CEMIP2: variants seen among roughly 807,000 people sequenced by gnomAD.
CEMIP2 encodes the protein cell migration inducing hyaluronidase 2.
CEMIP2 carries 79 observed loss-of-function variants against 146.9 expected under a neutral mutation model. That is an observed-to-expected ratio of 0.54 (90% CI 0.45 to 0.65). The LOEUF (loss-of-function observed/expected upper bound fraction) is 0.65. CEMIP2 is among the 30% of genes least tolerant of loss of function. The pLI is 0.00. For missense variants in CEMIP2, 1,596 were observed against 1,696.2 expected, an observed-to-expected ratio of 0.94 and a Z score of 1.04; for synonymous variants, 601 against 606.3, an observed-to-expected ratio of 0.99 and a Z score of 0.13.
chr9:71,722,176 A>T (rs945566864), intron 12 of CEMIP2, among the ~76,000 whole-genome samples: 19 of 152,190 alleles, frequency 1.2e-4, no homozygotes, highest in African/African-American at 4.6e-4. Flanking sequence ...CTCTTTCTGC[A>T]ACTCTCTCTA....
chr9:71,692,266 T>C (rs185844970), intron 21 of CEMIP2, among the ~76,000 whole-genome samples: 90 of 151,968 alleles, frequency 5.9e-4, no homozygotes, highest in African/African-American at 2.0e-3. Context: ...TCAAACAATG[T>C]TTTCAGACTC....
intron 17 of CEMIP2, among the ~76,000 whole-genome samples, chr9:71,706,216 C>G (rs1358872245): frequency 7.5e-6 from 1 of 132,756 alleles, no homozygotes; most frequent in Non-Finnish European, 1.6e-5. Flanking sequence ...GTAACAAAAA[C>G]AAAACTCCAT....
chr9:71,730,374 A>T (rs1364408609), intron 8 of CEMIP2, 121 bp from the exon 9 acceptor site: 2 of 973,268 alleles, frequency 2.1e-6, no homozygotes, highest in Non-Finnish European at 3.0e-6. Context: ...ACCTTAGCAG[A>T]ATGGGCAAAG....
At chr9:71,728,302 C>CATATATAT (rs1491360011) in intron 10 of CEMIP2, among the ~76,000 whole-genome samples, 1 of 11,578 alleles carries the variant, frequency 8.6e-5, no homozygotes, top group South Asian at 3.5e-3. Context: ...TATATATATA[C>CATATATAT]ATATATATAT....
At chr9:71,701,074 T>C (rs1589131464) in intron 18 of CEMIP2, among the ~76,000 whole-genome samples, 1 of 152,196 alleles carries the variant, frequency 6.6e-6, no homozygotes, top group East Asian at 1.9e-4. Flanking sequence ...AGCAAAAATA[T>C]GAGCCTTTAC....
At position 71,745,269 on chromosome 9, in the gene CEMIP2, C is replaced by A; in HGVS notation, c.783G>T (p.Lys261Asn). 2 of 1,614,060 alleles carry A rather than the reference C, an allele frequency of 1.2e-6. No individual in the cohort carries two copies. Among genetic ancestry groups the A allele is most frequent in the Admixed American group, 3.3e-5 (2 of 59,998 alleles). Residue 261 changes from lysine to asparagine, a missense_variant, in exon 4 of 24, where the codon AAG (lysine) becomes AAT (asparagine). By Grantham distance (94) the Lys-to-Asn change is moderately conservative. Transcript: ENST00000377044. Reference protein sequence around the residue: ...GLPFGSYTFEKDFSRGLNVRV... With the variant: ...GLPFGSYTFENDFSRGLNVRV... ...TCACATTGAGGCCCCGGGAAAAGTC[C>A]TTTTCAAAGGTATAGGACCCAAAGG...
At chr9:71,769,452 C>T (rs191549343), upstream of CEMIP2, among the ~76,000 whole-genome samples, 356 of 152,374 alleles carry the variant, frequency 2.3e-3, 2 homozygotes, top group Middle Eastern at 0.01. Context: ...TCTTCTGGTC[C>T]CTTGGAGCAA....
chr9:71,755,204 T>TA (rs1554689104), intron 1 of CEMIP2, among the ~76,000 whole-genome samples: 7 of 150,932 alleles, frequency 4.6e-5, no homozygotes, highest in East Asian at 3.9e-4. Flanking sequence ...TTTTTTTTTT[T>TA]ACCTATAAAA....
intron 1 of CEMIP2, among the ~76,000 whole-genome samples, chr9:71,757,510 G>A (rs1325251385): frequency 6.6e-6 from 1 of 152,154 alleles, no homozygotes; most frequent in African/African-American, 2.4e-5. Context: ...ACATTCACTA[G>A]TATGCCCAAA....
Position 71,734,870 on chromosome 9 carries a change from G to A in CEMIP2, c.1329C>T (p.Tyr443=), listed in dbSNP as rs745518018. Residue 443 remains tyrosine, a synonymous_variant, in exon 6 of 24, where the codon TAC becomes TAT. Coordinates refer to ENST00000377044, the MANE Select transcript of CEMIP2 (RefSeq NM_013390.3). ...IVVASTDYSM[Y]QAEEFTLLPC... ...GAAGAAGAGTGAACTCCTCTGCTTG[G>A]TACATGGAATAGTCTGTGCTTGCGA... 6.2e-7 allele frequency: 1 copy of A among 1,613,958 alleles called. No homozygotes were observed. The highest frequency in any genetic ancestry group is 8.5e-7 in the Non-Finnish European group (1 of 1,179,984).
At chr9:71,719,867 C>T (rs556583862) in intron 12 of CEMIP2, among the ~76,000 whole-genome samples, 44 of 56,970 alleles carry the variant, frequency 7.7e-4, no homozygotes, top group African/African-American at 2.3e-3. Flanking sequence ...AAAAAGAGTA[C>T]TATAAGGCAG....
intron 23 of CEMIP2, 71 bp from the exon 24 acceptor site, chr9:71,685,464 AGGAGGTGAGTC>A (rs1822032265): frequency 1.4e-6 from 2 of 1,401,678 alleles, no homozygotes. Context: ...AAGAGAATAT[AGGAGGTGAGTC>A]GGAGGTGAGC....
At chr9:71,728,289 A>ATATATATATG (rs1823496192) in intron 10 of CEMIP2, among the ~76,000 whole-genome samples, 2 of 31,142 alleles carry the variant, frequency 6.4e-5, no homozygotes, top group Admixed American at 4.2e-4. Context: ...ATGTATATAT[A>ATATATATATG]TATATATATA....
intron 1 of CEMIP2, among the ~76,000 whole-genome samples, chr9:71,762,525 A>C (rs1316972500): frequency 6.9e-6 from 1 of 145,366 alleles, no homozygotes; most frequent in Admixed American, 6.9e-5. Flanking sequence ...AAAAAAAAAA[A>C]ACTGGCTAGC....
At position 71,745,439 on chromosome 9, in the gene CEMIP2, A is replaced by T; in HGVS notation, c.613T>A (p.Tyr205Asn). 1 of 1,614,098 alleles carries T rather than the reference A, an allele frequency of 6.2e-7. No homozygotes were observed. Among genetic ancestry groups the T allele is most frequent in the African/African-American group, 1.3e-5 (1 of 75,030 alleles). Reference sequence around the variant, plus strand: ...CTTTCACCTTCATCTGACTTGCCATACAAGGTAATTGTCGCTTTGGATTTA... The same window carrying T: ...CTTTCACCTTCATCTGACTTGCCATTCAAGGTAATTGTCGCTTTGGATTTA... ...RYKSKATITL[Y>N]GKSDEGESMP... The change falls in exon 4 of 24, where the codon TAT (tyrosine) becomes AAT (asparagine). Residue 205 changes from tyrosine (Y) to asparagine (N), a missense_variant. Physicochemically the swap from Tyr to Asn is moderately radical, Grantham distance 143. Transcript: ENST00000377044.
intron 22 of CEMIP2, chr9:71,686,216 T>G (rs769684974): frequency 2.7e-5 from 5 of 186,652 alleles, no homozygotes; most frequent in Non-Finnish European, 4.5e-5. Flanking sequence ...CCACAACACT[T>G]GCATTACAGC....
At chr9:71,720,854 A>G (rs550061201) in intron 12 of CEMIP2, among the ~76,000 whole-genome samples, 12 of 152,274 alleles carry the variant, frequency 7.9e-5, no homozygotes, top group African/African-American at 2.6e-4. Context: ...TTCCTTATCA[A>G]TATGTATGTA....
At chr9:71,756,486 T>TCA (rs1364442232) in intron 1 of CEMIP2, among the ~76,000 whole-genome samples, 430 of 134,436 alleles carry the variant, frequency 3.2e-3, no homozygotes, top group African/African-American at 0.011. Context: ...TCTCTCTCTC[T>TCA]CTCTCTCTCT....
intron 10 of CEMIP2, among the ~76,000 whole-genome samples, chr9:71,728,301 A>G (rs1227062467): frequency 2.9e-5 from 1 of 34,436 alleles, no homozygotes; most frequent in Non-Finnish European, 5.3e-5. Flanking sequence ...ATATATATAT[A>G]CATATATATA....
Sources: allele counts gnomAD v4.1 joint callset (sites outside exome capture counted in the v4.1 genomes callset), GRCh38; gene constraint gnomAD v4.1.1; transcripts MANE v1.5; gene names NCBI Gene and HGNC (gene_info 2026-07-23, HGNC 2026-07-21).